The following EIF4G3 variants were observed in gnomAD, a reference collection of about 807,000 sequenced individuals.
The protein encoded by EIF4G3 is eukaryotic translation initiation factor 4 gamma 3.
Under a neutral mutation model 186.4 loss-of-function variants are expected in EIF4G3, and 34 were observed. The ratio of observed to expected loss-of-function variants is 0.18; its 90% CI spans 0.14 to 0.24. The LOEUF (loss-of-function observed/expected upper bound fraction) is 0.24. Among genes scored for constraint, EIF4G3 ranks in the 10% least tolerant of loss-of-function variants. The pLI is 1.00. For synonymous variants in EIF4G3, 673 were observed against 679.5 expected, an observed-to-expected ratio of 0.99 and a Z score of 0.15; for missense variants, 1,536 against 1,948.5, an observed-to-expected ratio of 0.79 and a Z score of 3.99.
chr1:20,943,561 T>A (rs139783587), intron 13 of EIF4G3, among the ~76,000 whole-genome samples: 1 of 152,222 alleles, frequency 6.6e-6, no homozygotes. Context: ...ACAGGCTCCA[T>A]GGAAAAACAT....
rs945864378 is a variant in EIF4G3 at position 21,018,607 on chromosome 1, C to T, written c.-66-15799G>A. ...GTGGTACTATGGTTGAATACTGACCCCTCCAAATCTCATATTGAAATGTGA... is the reference window on the plus strand; with the variant it reads ...GTGGTACTATGGTTGAATACTGACCTCTCCAAATCTCATATTGAAATGTGA... On this transcript the variant is annotated intron_variant, in intron 4 of 36. Transcript: ENST00000602326. Among the ~76,000 whole-genome samples the T allele has an allele frequency of 6.6e-5, 10 of 152,090 alleles. No individual in the cohort carries two copies. In the East Asian group the frequency reaches 1.7e-3, roughly 26 times the overall value.
At chr1:21,151,202 C>T (rs556754421) in intron 2 of EIF4G3, among the ~76,000 whole-genome samples, 2 of 146,980 alleles carry the variant, frequency 1.4e-5, no homozygotes, top group Non-Finnish European at 3.0e-5. Flanking sequence ...TAAATGTTTC[C>T]GCAACATTTT....
At chr1:21,099,765 T>C (rs1007834110) in intron 2 of EIF4G3, among the ~76,000 whole-genome samples, 2 of 152,174 alleles carry the variant, frequency 1.3e-5, no homozygotes, top group Admixed American at 6.5e-5. Flanking sequence ...AAACCATTCA[T>C]TTTTCAGAAC....
chr1:21,108,143 A>G (rs1404512427), intron 2 of EIF4G3, among the ~76,000 whole-genome samples: 1 of 152,188 alleles, frequency 6.6e-6, no homozygotes. Flanking sequence ...CACTGCACAT[A>G]GCAAGGCCCT....
At chr1:20,867,728 CA>C (rs1375409560) in intron 20 of EIF4G3, among the ~76,000 whole-genome samples, 1 of 152,070 alleles carries the variant, frequency 6.6e-6, no homozygotes, top group Non-Finnish European at 1.5e-5. Flanking sequence ...AAGGATAAAG[CA>C]AAGTTAGCTC....
At chr1:21,155,524 G>C (rs2097644229) in intron 2 of EIF4G3, among the ~76,000 whole-genome samples, 1 of 152,020 alleles carries the variant, frequency 6.6e-6, no homozygotes, top group African/African-American at 2.4e-5. Context: ...GAGACAGCAA[G>C]TGATTTACAT....
In EIF4G3 at chr1:21,052,661, G is replaced by A. The variant is rs1006039644; in HGVS notation, c.-195-1667C>T. Reference sequence around the variant, plus strand: ...AGCTGGACTGTACTGCTGCCATCTCGGCTCACTGCAACCTCCCTGCCTGAT... The same window carrying A: ...AGCTGGACTGTACTGCTGCCATCTCAGCTCACTGCAACCTCCCTGCCTGAT... On this transcript the variant is annotated intron_variant, in intron 3 of 36. Transcript: ENST00000602326. 1.8e-3 allele frequency among the ~76,000 whole-genome samples: 275 copies of A among 151,722 alleles called. 1 individual carries two copies. Among genetic ancestry groups the A allele is most frequent in the African/African-American group, 5.3e-3 (221 of 41,368 alleles).
intron 2 of EIF4G3, among the ~76,000 whole-genome samples, chr1:21,145,375 C>A (rs2097421177): frequency 6.6e-6 from 1 of 151,610 alleles, no homozygotes; most frequent in African/African-American, 2.4e-5. Flanking sequence ...TTTGCTCTAT[C>A]TTCTAAAACC....
chr1:20,879,846 A>G (rs1017469994), intron 19 of EIF4G3, among the ~76,000 whole-genome samples: 6 of 152,192 alleles, frequency 3.9e-5, no homozygotes, highest in Admixed American at 6.5e-5. Context: ...ACCAGTAATT[A>G]CACTTTTAGA....
chr1:20,962,734 G>C (rs1558457752), intron 12 of EIF4G3, among the ~76,000 whole-genome samples: 1 of 152,240 alleles, frequency 6.6e-6, no homozygotes, highest in Non-Finnish European at 1.5e-5. Flanking sequence ...ATTTACAGGA[G>C]AGATGAACTG....
intron 6 of EIF4G3, 134 bp from the exon 7 acceptor site, chr1:20,997,767 A>G (rs2082615110): frequency 3.0e-6 from 2 of 665,224 alleles, no homozygotes; most frequent in East Asian, 5.5e-5. Flanking sequence ...ACAACACACA[A>G]AACAGTCAAA....
chr1:20,847,853 T>C (rs1181788924), intron 29 of EIF4G3: 2 of 471,512 alleles, frequency 4.2e-6, no homozygotes, highest in South Asian at 1.5e-5. Flanking sequence ...CTTCTGAATT[T>C]TGAAGAATTT....
intron 4 of EIF4G3, among the ~76,000 whole-genome samples, chr1:21,041,775 G>C (rs551595598): frequency 6.6e-6 from 1 of 152,096 alleles, no homozygotes; most frequent in Non-Finnish European, 1.5e-5. Context: ...ACACACACAA[G>C]GGAGACAGAA....
At chr1:20,937,755 T>C (rs1334827242) in intron 14 of EIF4G3, among the ~76,000 whole-genome samples, 2 of 152,188 alleles carry the variant, frequency 1.3e-5, no homozygotes, top group African/African-American at 4.8e-5. Context: ...TAATGGGGAA[T>C]GCTTTCCCAC....
chr1:21,164,171 C>T (rs1198055753), intron 2 of EIF4G3, among the ~76,000 whole-genome samples: 1 of 152,152 alleles, frequency 6.6e-6, no homozygotes, highest in African/African-American at 2.4e-5. Context: ...AGAACTAACA[C>T]TATGCAAAAT....
At chr1:20,825,981 T>C (rs1462951391) in intron 32 of EIF4G3, among the ~76,000 whole-genome samples, 1 of 152,224 alleles carries the variant, frequency 6.6e-6, no homozygotes, top group Non-Finnish European at 1.5e-5. Flanking sequence ...TGCTGTCATC[T>C]GAGAGGTATG....
At chr1:21,076,102 G>A (rs949915005) in intron 3 of EIF4G3, among the ~76,000 whole-genome samples, 1 of 152,022 alleles carries the variant, frequency 6.6e-6, no homozygotes, top group Non-Finnish European at 1.5e-5. Context: ...CACAAAACAA[G>A]TCTCAGCAAA....
At chr1:21,145,353 T>TC (rs2097420935) in intron 2 of EIF4G3, among the ~76,000 whole-genome samples, 1 of 151,870 alleles carries the variant, frequency 6.6e-6, no homozygotes, top group African/African-American at 2.4e-5. Flanking sequence ...CCCTAGGGTT[T>TC]AACTCTCAAG....
rs549356316 is a variant in EIF4G3 at position 20,947,020 on chromosome 1, A to T, written c.823+2983T>A. On this transcript the variant is annotated intron_variant, in intron 13 of 36. Transcript: ENST00000602326. The stretch of plus-strand genomic sequence containing the variant: ...TGAGAAAAGTCAGTTTTTATATGCT[A>T]ATTTCAAAAGGAATCTACAGTGAAG... 6.6e-5 allele frequency among the ~76,000 whole-genome samples: 10 copies of T among 152,286 alleles called. No homozygotes were observed. In the South Asian group the frequency reaches 2.1e-3, roughly 32 times the overall value.
Sources: allele counts gnomAD v4.1 joint callset (sites outside exome capture counted in the v4.1 genomes callset), GRCh38; gene constraint gnomAD v4.1.1; transcripts MANE v1.5; gene names NCBI Gene and HGNC (gene_info 2026-07-23, HGNC 2026-07-21).